IL1RAPL2: variants seen among roughly 807,000 people sequenced by gnomAD.
The protein encoded by IL1RAPL2 is interleukin 1 receptor accessory protein like 2, also known as X-linked interleukin-1 receptor accessory protein-like 2.
Under a neutral mutation model 44.1 loss-of-function variants are expected in IL1RAPL2, and 3 were observed. That is an observed-to-expected ratio of 0.07 (90% CI 0.03 to 0.18). IL1RAPL2 has a LOEUF of 0.18. IL1RAPL2 is among the 10% of genes least tolerant of loss of function. IL1RAPL2 has a pLI of 1.00. For synonymous variants in IL1RAPL2, 181 were observed against 178.8 expected (o/e 1.01, Z -0.10); for missense variants, 391 against 496.4 (o/e 0.79, Z 2.02).
intron 1 of IL1RAPL2, among the ~76,000 whole-genome samples, chrX:104,570,142 C>G (rs1928117539): frequency 9.0e-6 from 1 of 111,613 alleles, no homozygotes; most frequent in African/African-American, 3.3e-5. Flanking sequence ...TGCCAAACCT[C>G]GAGATGTAGA....
At chrX:105,175,476 T>G (rs1016906156) in intron 2 of IL1RAPL2, among the ~76,000 whole-genome samples, 2 of 111,624 alleles carry the variant, frequency 1.8e-5, no homozygotes, top group African/African-American at 6.5e-5. Flanking sequence ...GTTACTGATA[T>G]TCCAAAATCA....
intron 2 of IL1RAPL2, among the ~76,000 whole-genome samples, chrX:104,762,518 G>A (rs933456613): frequency 3.6e-4 from 40 of 111,849 alleles, no homozygotes; most frequent in Non-Finnish European, 3.4e-4. Flanking sequence ...CCATTCTGGT[G>A]CCTGGAGGAC....
Position 105,276,068 on chromosome X carries a change from A to G in IL1RAPL2, c.697+8527A>G, listed in dbSNP as rs142245814. On this transcript the variant is annotated intron_variant, in intron 5 of 10. Transcript: ENST00000372582. The stretch of plus-strand genomic sequence containing the variant: ...TCTGATTCTAAAAGGAAAACGATTT[A>G]CTACTGATGTCTGAAACCAAATCAG... Among the ~76,000 whole-genome samples the G allele has an allele frequency of 3.0e-3, 338 of 112,507 alleles. 3 individuals carry two copies. The highest frequency in any genetic ancestry group is 1.0e-2 in the African/African-American group (310 of 31,009).
At chrX:105,711,704 T>C (rs1980253310) in intron 6 of IL1RAPL2, among the ~76,000 whole-genome samples, 1 of 111,410 alleles carries the variant, frequency 9.0e-6, no homozygotes, top group South Asian at 3.8e-4. Flanking sequence ...AGATTTAAGG[T>C]ATGATGCATC....
At chrX:105,244,768 TG>T (rs1200209257) in intron 4 of IL1RAPL2, among the ~76,000 whole-genome samples, 1 of 112,161 alleles carries the variant, frequency 8.9e-6, no homozygotes, top group African/African-American at 3.2e-5. Flanking sequence ...ATACTTTAAT[TG>T]AGCAAAGAAT....
At chrX:104,766,150 A>C (rs1932548884) in intron 2 of IL1RAPL2, among the ~76,000 whole-genome samples, 3 of 111,967 alleles carry the variant, frequency 2.7e-5, no homozygotes, top group African/African-American at 9.7e-5. Context: ...GCACTTTATC[A>C]AGTATATGTA....
At chrX:104,840,053 C>G (rs1248810278) in intron 2 of IL1RAPL2, among the ~76,000 whole-genome samples, 1 of 110,797 alleles carries the variant, frequency 9.0e-6, no homozygotes, top group Non-Finnish European at 1.9e-5. Flanking sequence ...CTTTTTGTGT[C>G]TCTGTCCCCT....
At chrX:104,936,175 T>A (rs2147699922) in intron 2 of IL1RAPL2, among the ~76,000 whole-genome samples, 1 of 111,940 alleles carries the variant, frequency 8.9e-6, no homozygotes, top group South Asian at 3.7e-4. Context: ...CTGTCAAATT[T>A]ATTTCCCTTC....
At chrX:105,150,177 C>T (rs2033214846) in intron 2 of IL1RAPL2, among the ~76,000 whole-genome samples, 1 of 111,406 alleles carries the variant, frequency 9.0e-6, no homozygotes, top group African/African-American at 3.3e-5. Context: ...CTAGAGCATG[C>T]AAATACTATT....
At chrX:104,617,614 T>G (rs1310008537) in intron 1 of IL1RAPL2, among the ~76,000 whole-genome samples, 2 of 112,166 alleles carry the variant, frequency 1.8e-5, no homozygotes, top group Non-Finnish European at 3.8e-5. Flanking sequence ...GCTCTGAAAT[T>G]TTTTATTCTG....
intron 2 of IL1RAPL2, among the ~76,000 whole-genome samples, chrX:105,014,672 C>G (rs1056104176): frequency 8.9e-5 from 10 of 112,360 alleles, no homozygotes; most frequent in African/African-American, 3.2e-4. Flanking sequence ...GCATAGTATT[C>G]CATGGTGTAT....
rs962397550 is a variant in IL1RAPL2, at chrX:105,213,429, A to C, written c.356+17681A>C. On this transcript the variant is annotated intron_variant, in intron 3 of 10. Coordinates refer to ENST00000372582, the MANE Select transcript of IL1RAPL2 (RefSeq NM_017416.2). ...AAGGCATGAAGACAAGATTAGAGAA[A>C]AAAGAATAAAAAGGAATGAACAAAG... 2.7e-5 allele frequency among the ~76,000 whole-genome samples: 3 copies of C among 109,541 alleles called. No homozygotes were observed. The Admixed American group carries it at 3.0e-4, about 11-fold the overall frequency.
chrX:105,705,124 A>G (rs2038154435), intron 6 of IL1RAPL2, among the ~76,000 whole-genome samples: 1 of 110,540 alleles, frequency 9.0e-6, no homozygotes, highest in African/African-American at 3.3e-5. Context: ...GGGCTGTGGT[A>G]AAAACTGATG....
At chrX:105,339,872 G>A (rs2035057446) in intron 5 of IL1RAPL2, among the ~76,000 whole-genome samples, 2 of 111,487 alleles carry the variant, frequency 1.8e-5, no homozygotes, top group African/African-American at 6.5e-5. Context: ...AGTCCACTCT[G>A]GGCACAGGAA....
chrX:104,616,254 A>G (rs1348722634), intron 1 of IL1RAPL2, among the ~76,000 whole-genome samples: 3 of 111,933 alleles, frequency 2.7e-5, no homozygotes, highest in Non-Finnish European at 3.8e-5. Flanking sequence ...CTTTAGTTTA[A>G]TTATGAAACT....
At chrX:104,922,756 A>G (rs1053629054) in intron 2 of IL1RAPL2, among the ~76,000 whole-genome samples, 1 of 111,691 alleles carries the variant, frequency 9.0e-6, no homozygotes, top group Admixed American at 9.5e-5. Flanking sequence ...ATGAAAAAAC[A>G]TAACGTTTTG....
chrX:105,609,571 C>T (rs1394176732), intron 6 of IL1RAPL2, among the ~76,000 whole-genome samples: 3 of 111,321 alleles, frequency 2.7e-5, no homozygotes, highest in Non-Finnish European at 3.8e-5. Flanking sequence ...CTGAGTATGG[C>T]GAAGATGTTT....
At chrX:105,524,121 A>G (rs1395340935) in intron 6 of IL1RAPL2, among the ~76,000 whole-genome samples, 2 of 111,831 alleles carry the variant, frequency 1.8e-5, no homozygotes, top group Non-Finnish European at 3.8e-5. Flanking sequence ...CCTCACTTAA[A>G]AGATGAGCAA....
rs138058146 is a variant in IL1RAPL2, at chrX:104,618,486, G to C, written c.-19-40409G>C. Among the ~76,000 whole-genome samples the C allele has an allele frequency of 3.8e-3, 422 of 112,062 alleles. 1 individual carries two copies. Among genetic ancestry groups the C allele is most frequent in the Non-Finnish European group, 6.1e-3 (322 of 53,092 alleles). ...AGCTGAGAAACCTCCTTAGCCCCAG[G>C]TTCTTTGCACAGGGATGGTGGGTAG... On this transcript the variant is annotated intron_variant, in intron 1 of 10. Transcript: ENST00000372582.
Sources: gnomAD v4.1 joint callset for allele counts (sites outside exome capture counted in the v4.1 genomes callset) on GRCh38, gnomAD v4.1.1 for gene constraint, MANE v1.5 for transcripts, NCBI Gene and HGNC (gene_info 2026-07-23, HGNC 2026-07-21) for gene names.